Variants in PLCG2 observed in about 807,000 individuals in gnomAD.
The protein encoded by PLCG2 is 1-phosphatidylinositol 4,5-bisphosphate phosphodiesterase gamma-2.
Under a neutral mutation model 175.6 loss-of-function variants are expected in PLCG2, and 69 were observed. That is an observed-to-expected ratio of 0.39 (90% confidence interval 0.32 to 0.48). The LOEUF (loss-of-function observed/expected upper bound fraction) is 0.48, where lower values mean the gene tolerates loss of function less well. PLCG2 is among the 20% of genes least tolerant of loss of function. The pLI is 0.91. For synonymous variants in PLCG2, 827 were observed against 624.0 expected, an observed-to-expected ratio of 1.33 and a Z score of -4.85; for missense variants, 1,798 against 1,650.9, an observed-to-expected ratio of 1.09 and a Z score of -1.54.
At chr16:81,837,684 G>GTTT (rs1218961131) in intron 2 of PLCG2, among the ~76,000 whole-genome samples, 14 of 126,124 alleles carry the variant, frequency 1.1e-4, no homozygotes, top group Admixed American at 1.6e-4. Context: ...ACCAACATGT[G>GTTT]TTTTTTTTTT....
chr16:81,828,424 G>C (rs1567485637), intron 2 of PLCG2, among the ~76,000 whole-genome samples: 1 of 151,896 alleles, frequency 6.6e-6, no homozygotes, highest in East Asian at 2.0e-4. Context: ...ATTTTTAGTA[G>C]AGACTGGGTT....
chr16:81,943,491 C>T (rs192106684), intron 30 of PLCG2, among the ~76,000 whole-genome samples: 6 of 152,286 alleles, frequency 3.9e-5, no homozygotes, highest in East Asian at 1.9e-4. Context: ...ACCTCCCACC[C>T]GGCCCCAGCT....
intron 2 of PLCG2, among the ~76,000 whole-genome samples, chr16:81,806,778 G>A (rs1904283192): frequency 2.0e-5 from 3 of 152,090 alleles, no homozygotes; most frequent in Non-Finnish European, 4.4e-5. Context: ...AGTTGAAGGA[G>A]TGGGCTGTGT....
At chr16:81,921,416 G>A (rs1169028154) in intron 21 of PLCG2, 147 bp downstream of exon 21, 5 of 691,062 alleles carry the variant, frequency 7.2e-6, no homozygotes, top group African/African-American at 3.6e-5. Context: ...TGAGAAGAAA[G>A]GATGATTGAT....
chr16:81,749,020 G>A (rs1350127827), intron 1 of PLCG2, among the ~76,000 whole-genome samples: 2 of 152,190 alleles, frequency 1.3e-5, no homozygotes, highest in Non-Finnish European at 2.9e-5. Flanking sequence ...GAAGATGTGG[G>A]TGAGGTTTAC....
intron 2 of PLCG2, among the ~76,000 whole-genome samples, chr16:81,834,888 G>C (rs1390343907): frequency 6.6e-6 from 1 of 152,214 alleles, no homozygotes; most frequent in African/African-American, 2.4e-5. Flanking sequence ...TGGGTGGATG[G>C]GGAGGCAGCC....
intron 8 of PLCG2, among the ~76,000 whole-genome samples, chr16:81,882,718 C>T (rs1908147146): frequency 6.6e-6 from 1 of 152,148 alleles, no homozygotes; most frequent in East Asian, 1.9e-4. Context: ...GTACTCTCTG[C>T]ACCTCCTTCT....
chr16:81,781,554 T>C (rs897137753), intron 1 of PLCG2, among the ~76,000 whole-genome samples: 5 of 152,366 alleles, frequency 3.3e-5, no homozygotes, highest in African/African-American at 1.2e-4. Flanking sequence ...TTTTAGTAGC[T>C]GCTCACAGGT....
At chr16:81,860,127 A>C (rs1906893995) in intron 5 of PLCG2, among the ~76,000 whole-genome samples, 1 of 146,688 alleles carries the variant, frequency 6.8e-6, no homozygotes, top group African/African-American at 2.5e-5. Flanking sequence ...GTGTTTCACC[A>C]TGCCTGGCTT....
At chr16:81,866,223 C>T (rs1252280105) in intron 5 of PLCG2, among the ~76,000 whole-genome samples, 3 of 110,416 alleles carry the variant, frequency 2.7e-5, no homozygotes, top group African/African-American at 3.8e-5. Flanking sequence ...CATGAGAGGA[C>T]GCTGGCCTCT....
Position 81,949,371 on chromosome 16 carries a change from C to T in PLCG2, c.3570+3108C>T, listed in dbSNP as rs149087626. 1.6e-3 allele frequency among the ~76,000 whole-genome samples: 246 copies of T among 152,238 alleles called. 3 individuals carry two copies. Among genetic ancestry groups the T allele is most frequent in the African/African-American group, 5.7e-3 (236 of 41,544 alleles). ...TAAGTTCCAAGGATAAATTTAAAAA[C>T]CTGGACTTCCAGCACACTAGTTGTG... On this transcript the variant is annotated intron_variant, in intron 31 of 32. Coordinates refer to ENST00000564138, the MANE Select transcript of PLCG2 (RefSeq NM_002661.5).
At chr16:81,762,870 C>A (rs955033189) in intron 2 of PLCG2, among the ~76,000 whole-genome samples, 1 of 152,116 alleles carries the variant, frequency 6.6e-6, no homozygotes, top group Non-Finnish European at 1.5e-5. Context: ...TCAGCCTCAG[C>A]AACATAGTGA....
chr16:81,956,663 C>T, intron 31 of PLCG2, 32 bp from the exon 32 acceptor site: 1 of 1,597,814 alleles, frequency 6.3e-7, no homozygotes. Context: ...GTGTAGTCAC[C>T]ACATGGTTGT....
intron 9 of PLCG2, among the ~76,000 whole-genome samples, chr16:81,886,191 G>A (rs1267752247): frequency 1.3e-5 from 2 of 152,102 alleles, no homozygotes; most frequent in Non-Finnish European, 2.9e-5. Flanking sequence ...ACCCCACCTA[G>A]TGGTGGTTGA....
chr16:81,900,604 G>T lies in PLCG2; in HGVS notation c.1194-8G>T. On this transcript the variant is annotated splice_region_variant and splice_polypyrimidine_tract_variant and intron_variant, in intron 13 of 32. Coordinates refer to ENST00000564138, the MANE Select transcript of PLCG2 (RefSeq NM_002661.5). ...CCTGCCGAGCTGCCCACCCTCTTCTGCCTGCAGCTTCCCAGTGATCCTGTC... is the reference window on the plus strand; with the variant it reads ...CCTGCCGAGCTGCCCACCCTCTTCTTCCTGCAGCTTCCCAGTGATCCTGTC... 6.3e-7 allele frequency: 1 copy of T among 1,584,536 alleles called. No homozygotes were observed. The highest frequency in any genetic ancestry group is 8.6e-7 in the Non-Finnish European group (1 of 1,156,488).
rs181344954 is a variant in PLCG2, at chr16:81,943,122, C to T, written c.3482-3053C>T. 9.2e-5 allele frequency among the ~76,000 whole-genome samples: 14 copies of T among 152,104 alleles called. No individual in the cohort carries two copies. In the East Asian group the frequency reaches 2.1e-3, roughly 23 times the overall value. The stretch of plus-strand genomic sequence containing the variant: ...GTGTAGGGGCTACCTGATAGCCTCC[C>T]GGAATGCCATGGAGCAAACAGTCAT... On this transcript the variant is annotated intron_variant, in intron 30 of 32. Coordinates refer to ENST00000564138, the MANE Select transcript of PLCG2 (RefSeq NM_002661.5).
upstream of PLCG2, among the ~76,000 whole-genome samples, chr16:81,777,368 A>C (rs978248842): frequency 5.3e-5 from 8 of 151,688 alleles, no homozygotes; most frequent in African/African-American, 1.7e-4. Flanking sequence ...TATATTATGT[A>C]CTTTATATAA....
intron 1 of PLCG2, 194 bp from the exon 2 acceptor site, chr16:81,785,749 C>A: frequency 2.3e-6 from 1 of 439,194 alleles, no homozygotes; most frequent in East Asian, 4.4e-5. Flanking sequence ...TCTTCTCACA[C>A]TTCAGTTTCC....
rs568870293 is a variant in PLCG2, at chr16:81,751,158, T to C, written c.-144-4712T>C. On this transcript the variant is annotated intron_variant, in intron 1 of 5. Transcript: ENST00000565054. ...ACCATGCCCAGCTAATTTTAGTATG[T>C]TTAGTAGAGATGGGGTTTCACTATG... Among the ~76,000 whole-genome samples the C allele has an allele frequency of 2.0e-5, 3 of 151,580 alleles. No individual in the cohort carries two copies. The East Asian group carries it at 5.8e-4, about 29-fold the overall frequency.
Sources: allele counts gnomAD v4.1 joint callset (sites outside exome capture counted in the v4.1 genomes callset), GRCh38; gene constraint gnomAD v4.1.1; transcripts MANE v1.5; gene names NCBI Gene and HGNC (gene_info 2026-07-23, HGNC 2026-07-21).